The following QTGAL variants were observed in gnomAD, a reference collection of about 807,000 sequenced individuals.
QTGAL encodes the protein queuosine-tRNA galactosyltransferase.
At chr17:83,001,750 A>G in the QTGAL span, among the ~76,000 whole-genome samples, 2 of 122,078 alleles carry the variant, frequency 1.6e-5, no homozygotes, top group Non-Finnish European at 3.8e-5. Context: ...ACAGTGAAGC[A>G]TAACTTTTGA....
At chr17:83,050,453 AAAG>A in the QTGAL span, among the ~76,000 whole-genome samples, 1 of 152,164 alleles carries the variant, frequency 6.6e-6, no homozygotes, top group Non-Finnish European at 1.5e-5. Context: ...ACTTAGAGGA[AAAG>A]AAGGAAATAA....
the QTGAL span, among the ~76,000 whole-genome samples, chr17:83,040,680 T>C: frequency 6.6e-6 from 1 of 152,194 alleles, no homozygotes; most frequent in Non-Finnish European, 1.5e-5. Flanking sequence ...GAAAAATTAT[T>C]TTGCACCTAG....
the QTGAL span, among the ~76,000 whole-genome samples, chr17:82,998,337 A>G: frequency 2.0e-5 from 3 of 152,242 alleles, no homozygotes; most frequent in African/African-American, 7.2e-5. Flanking sequence ...ATCAAAAATT[A>G]CAACTTTGTT....
At chr17:82,985,206 G>A in the QTGAL span, among the ~76,000 whole-genome samples, 1,653 of 152,328 alleles carry the variant, frequency 0.011, 17 homozygotes, top group Middle Eastern at 0.027. Context: ...CTGATTTAAC[G>A]TTGTATGTGG....
chr17:83,051,224 G>A, the QTGAL span, among the ~76,000 whole-genome samples: 287 of 138,600 alleles, frequency 2.1e-3, 1 homozygote, highest in East Asian at 3.5e-3. Context: ...GAGCGAGGCA[G>A]ATGCGCAGGT....
chr17:82,997,587 G>A, the QTGAL span, among the ~76,000 whole-genome samples: 5 of 152,130 alleles, frequency 3.3e-5, no homozygotes, highest in East Asian at 1.9e-4. Context: ...CTGCACTCAC[G>A]TATTCACTGC....
chr17:83,010,934 G>C, the QTGAL span, among the ~76,000 whole-genome samples: 2 of 152,234 alleles, frequency 1.3e-5, no homozygotes, highest in African/African-American at 4.8e-5. Context: ...CAGTGCACGA[G>C]GGTGGGTGAG....
chr17:82,972,672 G>A, the QTGAL span, among the ~76,000 whole-genome samples: 7 of 130,148 alleles, frequency 5.4e-5, no homozygotes, highest in African/African-American at 2.4e-4. Context: ...GGGGCCAGAA[G>A]GACCCGGTAC....
the QTGAL span, among the ~76,000 whole-genome samples, chr17:82,993,982 C>T: frequency 6.8e-3 from 1,026 of 151,984 alleles, 15 homozygotes; most frequent in African/African-American, 0.024. Context: ...CACAACATAC[C>T]AAAACCTATA....
the QTGAL span, among the ~76,000 whole-genome samples, chr17:83,020,852 G>A: frequency 6.6e-6 from 1 of 152,172 alleles, no homozygotes; most frequent in Admixed American, 6.5e-5. Flanking sequence ...TGGGACCCAC[G>A]AGAACCAACT....
the QTGAL span, among the ~76,000 whole-genome samples, chr17:83,030,354 G>A: frequency 6.6e-6 from 1 of 152,196 alleles, no homozygotes; most frequent in African/African-American, 2.4e-5. Flanking sequence ...TAAAGCAGAA[G>A]CAAAACCACA....
chr17:83,004,770 G>A, the QTGAL span, among the ~76,000 whole-genome samples: 39 of 143,640 alleles, frequency 2.7e-4, no homozygotes, highest in South Asian at 9.5e-3. Flanking sequence ...TCCGCAGTCC[G>A]CGTGTGGGAT....
chr17:82,983,016 C>G, the QTGAL span, among the ~76,000 whole-genome samples: 1 of 152,210 alleles, frequency 6.6e-6, no homozygotes, highest in Non-Finnish European at 1.5e-5. Context: ...CGCAGTGGCT[C>G]ACACCTGTAA....
At chr17:82,960,660 T>C in the QTGAL span, among the ~76,000 whole-genome samples, 2 of 152,100 alleles carry the variant, frequency 1.3e-5, no homozygotes, top group Non-Finnish European at 2.9e-5. Context: ...GGTGCTGCGA[T>C]TCCCTGGCCG....
chr17:82,946,811 C>A, the QTGAL span: 2 of 1,264,532 alleles, frequency 1.6e-6, no homozygotes, highest in South Asian at 1.4e-5. Flanking sequence ...AGAATAAGAG[C>A]AGAATGAAAA....
At chr17:82,965,619 G>C in the QTGAL span, 1 of 1,556,184 alleles carries the variant, frequency 6.4e-7, no homozygotes, top group Non-Finnish European at 8.7e-7. Context: ...CGAACCTGGG[G>C]GAGGGACCTG....
chr17:83,014,916 T>C, the QTGAL span, among the ~76,000 whole-genome samples: 1 of 152,232 alleles, frequency 6.6e-6, no homozygotes, highest in Non-Finnish European at 1.5e-5. Flanking sequence ...TAAAAAATGC[T>C]GACAATTCCA....
chr17:82,966,055 G>A, the QTGAL span, among the ~76,000 whole-genome samples: 7 of 150,986 alleles, frequency 4.6e-5, no homozygotes, highest in African/African-American at 9.8e-5. Context: ...GACCACAGGC[G>A]TGTGCCACCA....
At chr17:82,979,902 G>C in the QTGAL span, among the ~76,000 whole-genome samples, 1 of 152,348 alleles carries the variant, frequency 6.6e-6, no homozygotes, top group East Asian at 1.9e-4. Flanking sequence ...CTAGAACAAA[G>C]TCCAGGAACA....
Sources: allele counts gnomAD v4.1 joint callset (sites outside exome capture counted in the v4.1 genomes callset), GRCh38; gene constraint gnomAD v4.1.1; transcripts MANE v1.5; gene names NCBI Gene and HGNC (gene_info 2026-07-23, HGNC 2026-07-21).